ZNF710: variants seen among roughly 807,000 people sequenced by gnomAD.
The protein encoded by ZNF710 is zinc finger protein 710.
ZNF710 carries 13 observed loss-of-function variants against 50.6 expected under a neutral mutation model. That is an observed-to-expected ratio of 0.26 (90% CI 0.17 to 0.41). The LOEUF is 0.41. ZNF710 is among the 10% of genes least tolerant of loss of function. ZNF710 has a pLI of 1.00. For missense variants in ZNF710, 721 were observed against 936.6 expected, an observed-to-expected ratio of 0.77 and a Z score of 3.01; for synonymous variants, 383 against 397.0, an observed-to-expected ratio of 0.96 and a Z score of 0.42.
chr15:90,036,338 C>T (rs918876260), intron 1 of ZNF710, among the ~76,000 whole-genome samples: 2 of 150,654 alleles, frequency 1.3e-5, no homozygotes, highest in East Asian at 2.0e-4. Context: ...CTTCCATTCA[C>T]TTGGCGCTGT....
chr15:90,013,535 A>G (rs1363139980), intron 1 of ZNF710, among the ~76,000 whole-genome samples: 1 of 152,244 alleles, frequency 6.6e-6, no homozygotes, highest in Non-Finnish European at 1.5e-5. Flanking sequence ...TGAAGGGCCT[A>G]CAGATGGATT....
At chr15:90,038,740 T>TGTGTGTGTGTGTGA (rs150950322) in intron 1 of ZNF710, among the ~76,000 whole-genome samples, 10,713 of 148,188 alleles carry the variant, frequency 0.072, 427 homozygotes, top group Non-Finnish European at 0.088. Context: ...TGTGTGTGTG[T>TGTGTGTGTGTGTGA]GAGACATTGG....
rs371112897 is a variant in ZNF710, at chr15:90,005,707, C to T, written c.-29+4093C>T. On this transcript the variant is annotated intron_variant, in intron 1 of 4. Coordinates refer to ENST00000268154, the MANE Select transcript of ZNF710 (RefSeq NM_198526.4). Reference sequence around the variant, plus strand: ...TCGTGATCTGCCCGCCTCGGCCTCCCAAAGTGCTGGGATTACAGGCGTGAG... The same window carrying T: ...TCGTGATCTGCCCGCCTCGGCCTCCTAAAGTGCTGGGATTACAGGCGTGAG... 9.6e-4 allele frequency among the ~76,000 whole-genome samples: 146 copies of T among 152,306 alleles called. 1 individual carries two copies. The highest frequency in any genetic ancestry group is 3.4e-3 in the Middle Eastern group (1 of 294).
At chr15:90,011,768 T>C (rs1250241604) in intron 1 of ZNF710, among the ~76,000 whole-genome samples, 2 of 152,348 alleles carry the variant, frequency 1.3e-5, no homozygotes, top group East Asian at 1.9e-4. Flanking sequence ...TCTTCTTCTT[T>C]TTTTTAGCCT....
chr15:90,047,022 G>A (rs1326166052), intron 1 of ZNF710, among the ~76,000 whole-genome samples: 2 of 152,192 alleles, frequency 1.3e-5, no homozygotes, highest in African/African-American at 4.8e-5. Flanking sequence ...AGGCCATCAG[G>A]TTTTTCCAGT....
rs752339160 is a variant in ZNF710 at position 90,059,552 on chromosome 15, A to G, written c.-28-7558A>G. Among the ~76,000 whole-genome samples the G allele has an allele frequency of 4.2e-4, 64 of 152,222 alleles. No individual in the cohort carries two copies. The highest frequency in any genetic ancestry group is 7.5e-4 in the Non-Finnish European group (51 of 67,992). On this transcript the variant is annotated intron_variant, in intron 1 of 4. Coordinates refer to ENST00000268154, the MANE Select transcript of ZNF710 (RefSeq NM_198526.4). This position sits in a 1 kb window ranked among gnomAD's most constrained non-coding sequence, Gnocchi z 4.1. ...ACTCTGACTCCCAGAGGTGGGGCTC[A>G]GTGAATCTGTCCACAGAGAAAGGGG...
At chr15:90,063,131 C>A (rs548729341) in intron 1 of ZNF710, among the ~76,000 whole-genome samples, 1 of 152,172 alleles carries the variant, frequency 6.6e-6, no homozygotes, top group African/African-American at 2.4e-5. Flanking sequence ...TTGCCCAGGT[C>A]GTGCCTACGT....
chr15:90,057,714 T>G (rs1899867134), intron 1 of ZNF710, among the ~76,000 whole-genome samples: 1 of 148,602 alleles, frequency 6.7e-6, no homozygotes, highest in Admixed American at 6.7e-5. Flanking sequence ...ATAATAATAA[T>G]AATAATAATA....
At chr15:90,031,400 A>C (rs888829958) in intron 1 of ZNF710, among the ~76,000 whole-genome samples, 2 of 152,224 alleles carry the variant, frequency 1.3e-5, no homozygotes, top group African/African-American at 4.8e-5. Context: ...GCTGAAGCAG[A>C]ATCTGCATTT....
At chr15:90,058,721 A>ATATATATATATATATATATG (rs1567236953) in intron 1 of ZNF710, among the ~76,000 whole-genome samples, 1 of 144,576 alleles carries the variant, frequency 6.9e-6, no homozygotes, top group African/African-American at 2.9e-5. Flanking sequence ...ATATATATAC[A>ATATATATATATATATATATG]CACATATACA....
At chr15:90,004,367 T>C (rs1898086383) in intron 1 of ZNF710, among the ~76,000 whole-genome samples, 1 of 152,208 alleles carries the variant, frequency 6.6e-6, no homozygotes, top group African/African-American at 2.4e-5. Context: ...CAGCGCATCT[T>C]GGAGGAGACA....
At chr15:90,014,642 A>C (rs1237773423) in intron 1 of ZNF710, among the ~76,000 whole-genome samples, 1 of 152,150 alleles carries the variant, frequency 6.6e-6, no homozygotes, top group Admixed American at 6.5e-5. Context: ...TATTTTTAAA[A>C]ATGAACTTGG....
rs1338924767 is a variant in ZNF710 at position 90,001,373 on chromosome 15, C to G, written c.-270C>G. On this transcript the variant is annotated 5_prime_UTR_variant, in exon 1 of 5. Coordinates refer to ENST00000268154, the MANE Select transcript of ZNF710 (RefSeq NM_198526.4). ...GCTGTTTTGCATCCCTTCACGTCAG[C>G]CCTGCCTCATTCCCTTCTTCCAGGG... The G allele has an allele frequency of 6.6e-6, 1 of 152,200 alleles. No homozygotes were observed. The highest frequency in any genetic ancestry group is 1.5e-5 in the Non-Finnish European group (1 of 68,072). 9.4% of individuals were successfully genotyped at this position (152,200 alleles called of 1,614,324 possible).
At chr15:90,061,035 G>A (rs1403007636) in intron 1 of ZNF710, among the ~76,000 whole-genome samples, 1 of 152,196 alleles carries the variant, frequency 6.6e-6, no homozygotes, top group East Asian at 1.9e-4. Context: ...TGGACCTTCA[G>A]GAAATAGTCA....
At chr15:90,026,440 G>A (rs534266052) in intron 1 of ZNF710, among the ~76,000 whole-genome samples, 7 of 152,012 alleles carry the variant, frequency 4.6e-5, no homozygotes, top group South Asian at 4.2e-4. Context: ...AATCCTTATC[G>A]AAGCATTGCC....
intron 1 of ZNF710, among the ~76,000 whole-genome samples, chr15:90,008,441 C>CGTGTAT (rs1220498890): frequency 6.3e-5 from 8 of 126,510 alleles, no homozygotes; most frequent in African/African-American, 3.0e-4. Flanking sequence ...TATATATATA[C>CGTGTAT]ATATATATAT....
intron 4 of ZNF710, among the ~76,000 whole-genome samples, chr15:90,076,827 G>T (rs1900602570): frequency 1.3e-5 from 2 of 150,626 alleles, no homozygotes; most frequent in African/African-American, 4.9e-5. Context: ...ACCCAAACAA[G>T]ATTTTTTAAA....
At chr15:89,999,375 G>A (rs937946314), upstream of ZNF710, among the ~76,000 whole-genome samples, 1 of 152,218 alleles carries the variant, frequency 6.6e-6, no homozygotes, top group African/African-American at 2.4e-5. Context: ...GTACTCAGTA[G>A]GCATTTGTTA....
At chr15:90,008,431 T>TATATAC (rs1555454973) in intron 1 of ZNF710, among the ~76,000 whole-genome samples, 93 of 142,548 alleles carry the variant, frequency 6.5e-4, no homozygotes, top group African/African-American at 2.5e-3. Flanking sequence ...TGTGTGTATA[T>TATATAC]ATATATATAC....
Sources: allele counts gnomAD v4.1 joint callset (sites outside exome capture counted in the v4.1 genomes callset), GRCh38; gene constraint gnomAD v4.1.1; non-coding constraint Gnocchi (gnomAD v3.1); transcripts MANE v1.5; gene names NCBI Gene and HGNC (gene_info 2026-07-23, HGNC 2026-07-21).